Variants in LINGO2 observed in about 807,000 individuals in gnomAD.
LINGO2 encodes the protein leucine-rich repeat and immunoglobulin-like domain-containing nogo receptor-interacting protein 2.
LINGO2 carries 14 observed loss-of-function variants against 30.6 expected under a neutral mutation model. The ratio of observed to expected loss-of-function variants is 0.46; its 90% CI spans 0.30 to 0.72. LINGO2 has a LOEUF of 0.72. Ranked by LOEUF, LINGO2 falls within the 30% of genes least tolerant of loss-of-function variation. The pLI is 0.07. For missense variants in LINGO2, 729 were observed against 751.7 expected (o/e 0.97, Z 0.35); for synonymous variants, 317 against 288.5 (o/e 1.10, Z -1.00).
At chr9:28,740,859 T>G in the LINGO2 span, among the ~76,000 whole-genome samples, 1 of 152,076 alleles carries the variant, frequency 6.6e-6, no homozygotes, top group Non-Finnish European at 1.5e-5. Context: ...ATGGTCACCA[T>G]GTGTACAATA....
chr9:28,751,273 G>A, the LINGO2 span, among the ~76,000 whole-genome samples: 8 of 97,554 alleles, frequency 8.2e-5, no homozygotes, highest in Non-Finnish European at 1.3e-4. Context: ...TCTGGGTAAC[G>A]AAGCAAGATC....
chr9:28,386,382 C>G (rs1484408088), intron 2 of LINGO2, among the ~76,000 whole-genome samples: 2 of 152,150 alleles, frequency 1.3e-5, no homozygotes, highest in South Asian at 4.1e-4. Flanking sequence ...CAATTTCCCT[C>G]TGATTCATAT....
intron 3 of LINGO2, among the ~76,000 whole-genome samples, chr9:28,371,678 A>C (rs1820904165): frequency 6.6e-6 from 1 of 152,154 alleles, no homozygotes; most frequent in Non-Finnish European, 1.5e-5. Context: ...GCTCATATAT[A>C]AATTCAGTTC....
intron 2 of LINGO2, among the ~76,000 whole-genome samples, chr9:28,401,422 T>G (rs1205875574): frequency 6.6e-6 from 1 of 152,228 alleles, no homozygotes; most frequent in Non-Finnish European, 1.5e-5. Flanking sequence ...TTGCTGAGGA[T>G]GATGGCTTCC....
At chr9:28,957,051 C>A in the LINGO2 span, among the ~76,000 whole-genome samples, 1 of 151,896 alleles carries the variant, frequency 6.6e-6, no homozygotes, top group Non-Finnish European at 1.5e-5. Flanking sequence ...AAATTGTCCC[C>A]TAAATTAGCT....
chr9:28,677,544 A>C, the LINGO2 span, among the ~76,000 whole-genome samples: 1 of 152,156 alleles, frequency 6.6e-6, no homozygotes, highest in Non-Finnish European at 1.5e-5. Context: ...TCTTGGATGA[A>C]AGTGCAAACT....
At chr9:28,684,958 A>AT in the LINGO2 span, among the ~76,000 whole-genome samples, 3 of 152,030 alleles carry the variant, frequency 2.0e-5, no homozygotes, top group Non-Finnish European at 4.4e-5. Flanking sequence ...GTGATAGGTG[A>AT]TTTTTTGATC....
At chr9:28,085,373 G>T (rs1461281349) in intron 4 of LINGO2, among the ~76,000 whole-genome samples, 1 of 152,118 alleles carries the variant, frequency 6.6e-6, no homozygotes, top group Non-Finnish European at 1.5e-5. Flanking sequence ...GAAGTATGGA[G>T]AAGATGTGGC....
the LINGO2 span, among the ~76,000 whole-genome samples, chr9:29,078,575 G>C: frequency 6.6e-6 from 1 of 151,912 alleles, no homozygotes; most frequent in Non-Finnish European, 1.5e-5. Context: ...CGGGAAATAA[G>C]AGTACAGCAT....
At chr9:28,855,943 G>A in the LINGO2 span, among the ~76,000 whole-genome samples, 8 of 152,110 alleles carry the variant, frequency 5.3e-5, no homozygotes, top group East Asian at 1.9e-4. Flanking sequence ...AGATGTAGGC[G>A]GACACAGAGG....
At chr9:28,857,034 G>A in the LINGO2 span, among the ~76,000 whole-genome samples, 1 of 151,962 alleles carries the variant, frequency 6.6e-6, no homozygotes, top group Non-Finnish European at 1.5e-5. Context: ...TTATTTGGAA[G>A]GGTACAGAAT....
chr9:29,202,032 CTAAA>C, the LINGO2 span, among the ~76,000 whole-genome samples: 1 of 151,870 alleles, frequency 6.6e-6, no homozygotes, highest in South Asian at 2.1e-4. Context: ...TTAAAACTGT[CTAAA>C]TGTTCTAAAA....
the LINGO2 span, among the ~76,000 whole-genome samples, chr9:28,685,296 T>C: frequency 6.6e-6 from 1 of 152,164 alleles, no homozygotes; most frequent in African/African-American, 2.4e-5. Context: ...CTTTCTACCA[T>C]CTCTTTTTTT....
At chr9:27,990,462 A>ACCCCCC (rs10671360) in intron 5 of LINGO2, among the ~76,000 whole-genome samples, 1 of 118,048 alleles carries the variant, frequency 8.5e-6, no homozygotes, top group African/African-American at 3.0e-5. Flanking sequence ...TGGTCTCAAT[A>ACCCCCC]CCCCCCCCCC....
chr9:28,002,050 C>A (rs1821984413), intron 5 of LINGO2, among the ~76,000 whole-genome samples: 1 of 152,210 alleles, frequency 6.6e-6, no homozygotes, highest in East Asian at 1.9e-4. Context: ...GGAGCACTTA[C>A]TATTTCACAA....
In LINGO2 at chr9:28,640,734, T is replaced by G. The variant is rs199949192; in HGVS notation, c.-365+29466A>C. 8.3e-3 allele frequency among the ~76,000 whole-genome samples: 1,256 copies of G among 152,120 alleles called. 28 individuals carry two copies. Among genetic ancestry groups the G allele is most frequent in the East Asian group, 0.036 (187 of 5,158 alleles). ...TTCTAGTTAGCGATTCGTCTAATCTTTATTCAAGGTTTTTAACTTCTTTGC... is the reference window on the plus strand; with the variant it reads ...TTCTAGTTAGCGATTCGTCTAATCTGTATTCAAGGTTTTTAACTTCTTTGC... On this transcript the variant is annotated intron_variant, in intron 1 of 5. Transcript: ENST00000379992.
chr9:28,997,767 G>A, the LINGO2 span, among the ~76,000 whole-genome samples: 1 of 151,918 alleles, frequency 6.6e-6, no homozygotes, highest in Non-Finnish European at 1.5e-5. Context: ...AGCTTGCAGT[G>A]AGCCGAGATC....
intron 3 of LINGO2, among the ~76,000 whole-genome samples, chr9:28,346,328 G>C (rs1819567333): frequency 6.6e-6 from 1 of 152,094 alleles, no homozygotes; most frequent in Non-Finnish European, 1.5e-5. Flanking sequence ...GTTTGCTAAG[G>C]ATAATGGCCT....
At chr9:28,234,645 C>A (rs1821493862) in intron 4 of LINGO2, among the ~76,000 whole-genome samples, 1 of 152,060 alleles carries the variant, frequency 6.6e-6, no homozygotes, top group Non-Finnish European at 1.5e-5. Context: ...GTTTCCTGCC[C>A]TCGAACATCA....
Sources: gnomAD v4.1 joint callset for allele counts (sites outside exome capture counted in the v4.1 genomes callset) on GRCh38, gnomAD v4.1.1 for gene constraint, MANE v1.5 for transcripts, NCBI Gene and HGNC (gene_info 2026-07-23, HGNC 2026-07-21) for gene names.